The following MDGA2 variants were observed in gnomAD, a reference collection of about 807,000 sequenced individuals.
The protein encoded by MDGA2 is MAM domain containing glycosylphosphatidylinositol anchor 2, also known as MAM domain-containing glycosylphosphatidylinositol anchor protein 2.
Under a neutral mutation model 117.8 loss-of-function variants are expected in MDGA2, and 40 were observed. The ratio of observed to expected loss-of-function variants is 0.34; its 90% CI spans 0.26 to 0.44. The LOEUF (loss-of-function observed/expected upper bound fraction) is 0.44, where lower values mean the gene tolerates loss of function less well. MDGA2 is among the 20% of genes least tolerant of loss of function. The probability of loss-of-function intolerance (pLI) is 1.00; values close to 1 mark genes in which losing one functional copy is unlikely to be tolerated. For synonymous variants in MDGA2, 452 were observed against 439.0 expected (o/e 1.03, Z -0.37); for missense variants, 1,123 against 1,250.6 (o/e 0.90, Z 1.54).
chr14:47,456,263 T>C (rs1386209490), intron 1 of MDGA2, among the ~76,000 whole-genome samples: 1 of 151,420 alleles, frequency 6.6e-6, no homozygotes, highest in African/African-American at 2.4e-5. Flanking sequence ...AAATAGACAA[T>C]TGAGTCAGTG....
chr14:46,888,643 CTAACT>C (rs1882760070), intron 10 of MDGA2, among the ~76,000 whole-genome samples: 1 of 151,092 alleles, frequency 6.6e-6, no homozygotes. Flanking sequence ...ACAAAATTGA[CTAACT>C]TAAAAGCAGA....
At chr14:47,230,387 T>C (rs1047257512) in intron 2 of MDGA2, among the ~76,000 whole-genome samples, 15 of 151,932 alleles carry the variant, frequency 9.9e-5, no homozygotes, top group African/African-American at 3.6e-4. Flanking sequence ...AGCCAAACTA[T>C]ACCAAATACA....
At chr14:47,267,338 A>G (rs117787125) in intron 2 of MDGA2, among the ~76,000 whole-genome samples, 17 of 152,310 alleles carry the variant, frequency 1.1e-4, no homozygotes, top group Non-Finnish European at 2.4e-4. Flanking sequence ...TGGAAAGGAA[A>G]TGAAATGATT....
intron 4 of MDGA2, among the ~76,000 whole-genome samples, chr14:47,134,841 G>A (rs948154005): frequency 6.6e-6 from 1 of 150,946 alleles, no homozygotes; most frequent in Non-Finnish European, 1.5e-5. Flanking sequence ...TAATCATTCT[G>A]AAAGATTTAC....
At chr14:46,926,879 T>C (rs900557634) in intron 9 of MDGA2, among the ~76,000 whole-genome samples, 3 of 152,034 alleles carry the variant, frequency 2.0e-5, no homozygotes, top group Admixed American at 6.6e-5. Flanking sequence ...AAAAAAGATA[T>C]GTGATTTGAG....
At chr14:47,589,024 T>C (rs1212713550) in intron 1 of MDGA2, among the ~76,000 whole-genome samples, 1 of 151,918 alleles carries the variant, frequency 6.6e-6, no homozygotes, top group Non-Finnish European at 1.5e-5. Context: ...TTGTTTTTTC[T>C]CTTGTAATCT....
In MDGA2 at chr14:46,877,499, AT is replaced by A; in HGVS notation, c.2426del (p.Asn809IlefsTer4). The A allele has an allele frequency of 6.6e-7, 1 of 1,510,330 alleles. No individual in the cohort carries two copies. Among genetic ancestry groups the A allele is most frequent in the Non-Finnish European group, 9.1e-7 (1 of 1,103,178 alleles). 93.6% of individuals were successfully genotyped at this position (1,510,330 alleles called of 1,614,324 possible). On this transcript the variant is annotated frameshift_variant, in exon 12 of 17. Transcript: ENST00000399232. LOFTEE classifies it high-confidence loss of function. ...TTAAAATATACTTACTCAAATGAGG[AT>A]TTACAGGAGCTACAAGAAAAGCAAA... ...IRVIKYSAPVNPHLREFHCGF... is the reference protein window; with the variant it reads ...IRVIKYSAPVXPHLREFHCGF...
At position 47,265,973 on chromosome 14, in the gene MDGA2, T is replaced by C. The variant is rs552276490; in HGVS notation, c.420+35438A>G. Among the ~76,000 whole-genome samples the C allele has an allele frequency of 1.3e-3, 198 of 152,268 alleles. 3 individuals are homozygous for C. Among genetic ancestry groups the C allele is most frequent in the Non-Finnish European group, 1.7e-3 (119 of 68,018 alleles). On this transcript the variant is annotated intron_variant, in intron 2 of 16. Transcript: ENST00000399232. The stretch of plus-strand genomic sequence containing the variant: ...TCTTTACTACTATTATTACAACTAA[T>C]GCTATTGATTGCAAACACTATGAGC...
intron 3 of MDGA2, among the ~76,000 whole-genome samples, chr14:47,174,931 A>T (rs1024821868): frequency 6.6e-6 from 1 of 152,182 alleles, no homozygotes; most frequent in Non-Finnish European, 1.5e-5. Context: ...AAGAGAGAAG[A>T]ATCAAATAGA....
intron 1 of MDGA2, among the ~76,000 whole-genome samples, chr14:47,421,025 A>T (rs1315116959): frequency 1.3e-5 from 2 of 152,116 alleles, no homozygotes; most frequent in African/African-American, 4.8e-5. Context: ...TTCAGAGCTG[A>T]GAATACGATA....
At chr14:46,864,131 G>T (rs548923187) in intron 14 of MDGA2, among the ~76,000 whole-genome samples, 2 of 136,848 alleles carry the variant, frequency 1.5e-5, no homozygotes, top group African/African-American at 2.8e-5. Flanking sequence ...AAACAGTCCA[G>T]TGCTTCCCTA....
intron 3 of MDGA2, among the ~76,000 whole-genome samples, chr14:47,199,918 A>C (rs1885427115): frequency 6.6e-6 from 1 of 152,136 alleles, no homozygotes; most frequent in African/African-American, 2.4e-5. Context: ...TAAATTTAAA[A>C]GTATAAAACC....
At chr14:47,433,824 T>C (rs1017052609) in intron 1 of MDGA2, among the ~76,000 whole-genome samples, 2 of 152,142 alleles carry the variant, frequency 1.3e-5, no homozygotes, top group Non-Finnish European at 2.9e-5. Flanking sequence ...AGGAAACTAA[T>C]ACATGTGCTA....
chr14:47,298,692 T>TC (rs1237568467), intron 2 of MDGA2, among the ~76,000 whole-genome samples: 1 of 149,146 alleles, frequency 6.7e-6, no homozygotes, highest in Non-Finnish European at 1.5e-5. Flanking sequence ...TCTTTTTTTT[T>TC]TTTTTTTTTT....
Position 46,892,364 on chromosome 14 carries a change from G to T in MDGA2, c.2239-10143C>A, listed in dbSNP as rs1349537981. Among the ~76,000 whole-genome samples the T allele has an allele frequency of 2.0e-5, 3 of 151,866 alleles. No individual in the cohort carries two copies. In the South Asian group the frequency reaches 6.2e-4, roughly 32 times the overall value. ...CACCATACACAGATTAACTCAAAAT[G>T]GATTAAAGATCTATGCATAAGACCT... On this transcript the variant is annotated intron_variant, in intron 10 of 16. Coordinates refer to ENST00000399232, the MANE Select transcript of MDGA2 (RefSeq NM_001113498.3).
At chr14:47,074,616 T>C (rs1262377580) in intron 6 of MDGA2, among the ~76,000 whole-genome samples, 4 of 152,154 alleles carry the variant, frequency 2.6e-5, no homozygotes, top group African/African-American at 9.7e-5. Flanking sequence ...TTTTAACAAT[T>C]GCCAGGGAGA....
intron 1 of MDGA2, among the ~76,000 whole-genome samples, chr14:47,563,742 T>G (rs1895865773): frequency 1.3e-5 from 2 of 152,048 alleles, no homozygotes; most frequent in African/African-American, 4.8e-5. Flanking sequence ...ATTGGGCCAT[T>G]TAGCCCCTTT....
chr14:46,861,870 C>T (rs886501157), intron 14 of MDGA2, among the ~76,000 whole-genome samples: 6 of 151,996 alleles, frequency 3.9e-5, no homozygotes, highest in Non-Finnish European at 7.4e-5. Flanking sequence ...GATATTTAAA[C>T]TTATGTCAAG....
At chr14:46,888,139 G>C (rs1882740298) in intron 10 of MDGA2, among the ~76,000 whole-genome samples, 1 of 151,996 alleles carries the variant, frequency 6.6e-6, no homozygotes, top group Non-Finnish European at 1.5e-5. Flanking sequence ...AATTTAAGCT[G>C]TAATGAAAGT....
Sources: gnomAD v4.1 joint callset for allele counts (sites outside exome capture counted in the v4.1 genomes callset) on GRCh38, gnomAD v4.1.1 for gene constraint, MANE v1.5 for transcripts, NCBI Gene and HGNC (gene_info 2026-07-23, HGNC 2026-07-21) for gene names.